SERPINF1: variants seen among roughly 807,000 people sequenced by gnomAD.
SERPINF1 encodes pigment epithelium-derived factor.
In SERPINF1, 29 loss-of-function variants were observed where a neutral mutation model predicts 37.3. The observed-to-expected ratio is 0.78, with a 90% CI of 0.58 to 1.06. The LOEUF is 1.06. Among genes scored for constraint, SERPINF1 ranks in the 50% least tolerant of loss-of-function variants. The pLI, the probability that SERPINF1 is intolerant of heterozygous loss-of-function variation, is 0.00. For synonymous variants in SERPINF1, 281 were observed against 227.9 expected, an observed-to-expected ratio of 1.23 and a Z score of -2.10; for missense variants, 553 against 532.2, an observed-to-expected ratio of 1.04 and a Z score of -0.38.
chr17:1,777,362 C>T lies in SERPINF1; in HGVS notation c.1173C>T (p.Asn391=). The T allele has an allele frequency of 3.1e-6, 5 of 1,614,158 alleles. No individual in the cohort carries two copies. Among genetic ancestry groups the T allele is most frequent in the Non-Finnish European group, 4.2e-6 (5 of 1,180,042 alleles). The change falls in exon 8 of 8, where the codon AAC becomes AAT. Residue 391 remains asparagine, a synonymous_variant. Transcript: ENST00000254722. ...HLTFPLDYHL[N]QPFIFVLRDT... is the part of the protein sequence containing the mutation. ...CCTTCCCGCTGGACTATCACCTTAACCAGCCTTTCATCTTCGTACTGAGGG... is the reference window on the plus strand; with the variant it reads ...CCTTCCCGCTGGACTATCACCTTAATCAGCCTTTCATCTTCGTACTGAGGG...
chr17:1,770,688 G>T (rs1907672269), intron 3 of SERPINF1: 1 of 336,088 alleles, frequency 3.0e-6, no homozygotes, highest in Admixed American at 4.0e-5. Context: ...TCAAACTCCC[G>T]GGCTCAAGCG....
chr17:1,768,430 CAAA>C (rs71150813), intron 2 of SERPINF1, among the ~76,000 whole-genome samples: 3 of 91,786 alleles, frequency 3.3e-5, no homozygotes, highest in Admixed American at 1.1e-4. Context: ...GACTCCGTCT[CAAA>C]AAAAAAAAAA....
At chr17:1,771,374 G>A (rs1001653710) in intron 4 of SERPINF1, among the ~76,000 whole-genome samples, 190 bp downstream of exon 4, 12 of 151,122 alleles carry the variant, frequency 7.9e-5, no homozygotes, top group East Asian at 3.9e-4. Context: ...TCAGCCTCCC[G>A]AGTAGCTGGG....
At chr17:1,763,855 C>G (rs912124371) in intron 1 of SERPINF1, among the ~76,000 whole-genome samples, 1 of 152,240 alleles carries the variant, frequency 6.6e-6, no homozygotes, top group South Asian at 2.1e-4. Flanking sequence ...GTCGCTCCTT[C>G]AAGTCCATTT....
In SERPINF1 at chr17:1,771,110, A is replaced by T. The variant is rs760909169; in HGVS notation, c.365A>T (p.Tyr122Phe). 3 of 1,613,964 alleles carry T rather than the reference A, an allele frequency of 1.9e-6. No individual in the cohort carries two copies. Among genetic ancestry groups the T allele is most frequent in the Non-Finnish European group, 2.5e-6 (3 of 1,180,008 alleles). Residue 122 changes from tyrosine (Y) to phenylalanine (F), a missense_variant, in exon 4 of 8, where the codon TAT (tyrosine) becomes TTT (phenylalanine). By Grantham distance (22) the Tyr-to-Phe change is conservative. Coordinates refer to ENST00000254722, the MANE Select transcript of SERPINF1 (RefSeq NM_002615.7). ...LISSPDIHGT[Y>F]KELLDTVTAP... is the part of the protein sequence containing the mutation. ...AGCAGCCCAGACATCCATGGTACCT[A>T]TAAGGAGCTCCTTGACACGGTCACT...
Position 1,769,810 on chromosome 17 carries a change from G to A in SERPINF1, c.85-42G>A, listed in dbSNP as rs11658342. 555,331 of 1,606,138 alleles carry A rather than the reference G, an allele frequency of 0.35. 100,633 individuals carry two copies. The highest frequency in any genetic ancestry group is 0.38 in the Non-Finnish European group (445,156 of 1,172,998). On this transcript the variant is annotated intron_variant, in intron 2 of 7. Transcript: ENST00000254722. Reference sequence around the variant, plus strand: ...GGAGACAGTCCCTGTGCATCTCTGCGAGTCCCTGAACTCAAACCCAAGACT... The same window carrying A: ...GGAGACAGTCCCTGTGCATCTCTGCAAGTCCCTGAACTCAAACCCAAGACT...
Position 1,771,151 on chromosome 17 carries a change from C to T in SERPINF1, c.406C>T (p.Leu136Phe), listed in dbSNP as rs562308050. The T allele has an allele frequency of 1.2e-6, 2 of 1,614,078 alleles. No individual in the cohort carries two copies. The highest frequency in any genetic ancestry group is 2.2e-5 in the East Asian group (1 of 44,882). Residue 136 changes from leucine (L) to phenylalanine (F), a missense_variant, in exon 4 of 8, where the codon CTC (leucine) becomes TTC (phenylalanine). Physicochemically the swap from Leu to Phe is conservative, Grantham distance 22. Coordinates refer to ENST00000254722, the MANE Select transcript of SERPINF1 (RefSeq NM_002615.7). Reference sequence around the variant, plus strand: ...CACGGTCACTGCCCCCCAGAAGAACCTCAAGAGTGCCTCCCGGATCGTCTT... The same window carrying T: ...CACGGTCACTGCCCCCCAGAAGAACTTCAAGAGTGCCTCCCGGATCGTCTT... ...LDTVTAPQKN[L>F]KSASRIVFEK...
rs758803665 is a variant in SERPINF1, at chr17:1,777,253, A to G, written c.1064A>G (p.Gln355Arg). Residue 355 changes from glutamine to arginine, a missense_variant, in exon 8 of 8, where the codon CAG (glutamine) becomes CGG (arginine). Coordinates refer to ENST00000254722, the MANE Select transcript of SERPINF1 (RefSeq NM_002615.7). ...ACAGGCAAACCCATCAAGCTGACTCAGGTGGAACACCGGGCTGGCTTTGAG... is the reference window on the plus strand; with the variant it reads ...ACAGGCAAACCCATCAAGCTGACTCGGGTGGAACACCGGGCTGGCTTTGAG... ...KITGKPIKLTQVEHRAGFEWN... is the reference protein window; with the variant it reads ...KITGKPIKLTRVEHRAGFEWN... 5.0e-6 allele frequency: 8 copies of G among 1,614,142 alleles called. No individual in the cohort carries two copies. The highest frequency in any genetic ancestry group is 6.8e-6 in the Non-Finnish European group (8 of 1,180,032).
rs780160989 is a variant in SERPINF1, at chr17:1,775,212, TA to T, written c.786+13del. 4 of 1,604,602 alleles carry T rather than the reference TA, an allele frequency of 2.5e-6. No homozygotes were observed. The highest frequency in any genetic ancestry group is 2.2e-5 in the South Asian group (2 of 90,980). Reference sequence around the variant, plus strand: ...ATCTCAGCTGCAAGGTCTGTAGGGATAGGGGCAGGGTGGGGGGTGGATGGAG... The same window carrying T: ...ATCTCAGCTGCAAGGTCTGTAGGGATGGGGCAGGGTGGGGGGTGGATGGAG... On this transcript the variant is annotated intron_variant, in intron 6 of 7. Coordinates refer to ENST00000254722, the MANE Select transcript of SERPINF1 (RefSeq NM_002615.7).
chr17:1,763,592 C>G (rs965345587), intron 1 of SERPINF1, among the ~76,000 whole-genome samples: 2 of 152,238 alleles, frequency 1.3e-5, no homozygotes, highest in Non-Finnish European at 2.9e-5. Flanking sequence ...TGCAGACCCC[C>G]ACGCTTGCCC....
chr17:1,775,059 G>A lies in SERPINF1; in HGVS notation c.645G>A (p.Gly215=), dbSNP rs140414882. The A allele has an allele frequency of 6.2e-7, 1 of 1,614,124 alleles. No homozygotes were observed. Among genetic ancestry groups the A allele is most frequent in the Non-Finnish European group, 8.5e-7 (1 of 1,180,026 alleles). The change falls in exon 6 of 8, where the codon GGG becomes GGA. Residue 215 remains glycine (G), a splice_region_variant and synonymous_variant. Coordinates refer to ENST00000254722, the MANE Select transcript of SERPINF1 (RefSeq NM_002615.7). The part of the protein sequence containing the change: ...ILLLGVAHFK[G]QWVTKFDSRK... ...ACTATGTCATACACTTCTTTCCAGG[G>A]CAGTGGGTAACAAAGTTTGACTCCA...
rs772174496 is a variant in SERPINF1 at position 1,775,209 on chromosome 17, G to A, written c.786+9G>A. On this transcript the variant is annotated intron_variant, in intron 6 of 7. Coordinates refer to ENST00000254722, the MANE Select transcript of SERPINF1 (RefSeq NM_002615.7). ...CAGATCTCAGCTGCAAGGTCTGTAG[G>A]GATAGGGGCAGGGTGGGGGGTGGAT... The A allele has an allele frequency of 1.2e-6, 2 of 1,605,962 alleles. No individual in the cohort carries two copies. Among genetic ancestry groups the A allele is most frequent in the African/African-American group, 2.7e-5 (2 of 74,860 alleles).
At chr17:1,773,827 G>A (rs73976286) in intron 5 of SERPINF1, among the ~76,000 whole-genome samples, 2 of 151,938 alleles carry the variant, frequency 1.3e-5, no homozygotes, top group Non-Finnish European at 2.9e-5. Context: ...AAGGCCTTGT[G>A]GGGTGGCCTG....
intron 2 of SERPINF1, among the ~76,000 whole-genome samples, chr17:1,768,347 C>T (rs565501339): frequency 3.1e-4 from 46 of 146,890 alleles, no homozygotes; most frequent in African/African-American, 1.0e-3. Flanking sequence ...AGGAGAATGG[C>T]GTGAACCCGG....
At chr17:1,772,455 T>A (rs1310238089) in intron 5 of SERPINF1, among the ~76,000 whole-genome samples, 1 of 152,126 alleles carries the variant, frequency 6.6e-6, no homozygotes, top group Admixed American at 6.5e-5. Flanking sequence ...GTTGCCATGA[T>A]GCCCAGGCTG....
chr17:1,770,177 C>G, intron 3 of SERPINF1, 127 bp downstream of exon 3: 1 of 1,017,076 alleles, frequency 9.8e-7, no homozygotes. Context: ...GGGGCCTGGC[C>G]TGGGGGTCCC....
Position 1,766,982 on chromosome 17 carries a change from C to T in SERPINF1, c.72C>T (p.Ser24=), listed in dbSNP as rs377411384. 48 of 1,555,364 alleles carry T rather than the reference C, an allele frequency of 3.1e-5. No individual in the cohort carries two copies. Among genetic ancestry groups the T allele is most frequent in the East Asian group, 2.9e-4 (12 of 41,466 alleles). Residue 24 remains serine, a synonymous_variant, in exon 2 of 8, where the codon AGC becomes AGT. Coordinates refer to ENST00000254722, the MANE Select transcript of SERPINF1 (RefSeq NM_002615.7). ...LGHSSCQNPA[S]PPEEGSPDPD... The stretch of plus-strand genomic sequence containing the variant: ...ACAGCAGCTGCCAGAACCCTGCCAG[C>T]CCCCCGGAGGAGGTCAGTAGGCAGG...
rs11654472 is a variant in SERPINF1 at position 1,776,898 on chromosome 17, A to T, written c.997+156A>T. 0.26 allele frequency among the ~76,000 whole-genome samples: 39,804 copies of T among 150,762 alleles called. 5,893 individuals carry two copies. Among genetic ancestry groups the T allele is most frequent in the East Asian group, 0.38 (1,891 of 5,038 alleles). ...CTCATCGTGCCAGAAGGGAAGGCTG[A>T]ACTGCCTTCTCTCATCAGACTCATT... On this transcript the variant is annotated intron_variant, in intron 7 of 7. Coordinates refer to ENST00000254722, the MANE Select transcript of SERPINF1 (RefSeq NM_002615.7).
intron 2 of SERPINF1, among the ~76,000 whole-genome samples, chr17:1,768,192 G>A (rs1452159777): frequency 6.6e-6 from 1 of 152,070 alleles, no homozygotes; most frequent in Non-Finnish European, 1.5e-5. Flanking sequence ...AGCACTTTGG[G>A]AGGCGGAGGT....
Sources: allele counts gnomAD v4.1 joint callset (sites outside exome capture counted in the v4.1 genomes callset), GRCh38; gene constraint gnomAD v4.1.1; transcripts MANE v1.5; gene names NCBI Gene and HGNC (gene_info 2026-07-23, HGNC 2026-07-21).